Variants in DCLK2 observed in about 807,000 individuals in gnomAD.
DCLK2 encodes the protein serine/threonine-protein kinase DCLK2.
A neutral mutation model predicts 78.4 loss-of-function variants in DCLK2; 31 were observed. That is an observed-to-expected ratio of 0.40 (90% CI 0.30 to 0.53). The LOEUF is 0.53. Ranked by LOEUF, DCLK2 falls within the 20% of genes least tolerant of loss-of-function variation. The pLI, the probability that DCLK2 is intolerant of heterozygous loss-of-function variation, is 0.61. For synonymous variants in DCLK2, 407 were observed against 374.9 expected (o/e 1.09, Z -0.99); for missense variants, 872 against 973.7 (o/e 0.90, Z 1.39).
At chr4:150,196,155 G>T (rs192759800) in intron 3 of DCLK2, among the ~76,000 whole-genome samples, 71 of 152,114 alleles carry the variant, frequency 4.7e-4, no homozygotes, top group Admixed American at 7.2e-4. Context: ...TGTGTTAAAG[G>T]CCCATTCAGA....
chr4:150,206,152 A>G (rs964769729), intron 5 of DCLK2, among the ~76,000 whole-genome samples: 8 of 152,322 alleles, frequency 5.3e-5, no homozygotes, highest in African/African-American at 1.7e-4. Context: ...AAAGAAATAC[A>G]TGTTAATATT....
chr4:150,104,604 T>A (rs1431184968), intron 2 of DCLK2, among the ~76,000 whole-genome samples: 1 of 152,190 alleles, frequency 6.6e-6, no homozygotes, highest in East Asian at 1.9e-4. Flanking sequence ...TATGCTGGTA[T>A]TTAAAGGATG....
At chr4:150,101,028 G>A (rs930996885) in intron 1 of DCLK2, among the ~76,000 whole-genome samples, 2 of 152,162 alleles carry the variant, frequency 1.3e-5, no homozygotes, top group African/African-American at 2.4e-5. Flanking sequence ...CAAGGTGGGT[G>A]ACTCGCTTGA....
At chr4:150,081,380 A>C (rs536391021) in intron 1 of DCLK2, among the ~76,000 whole-genome samples, 1 of 152,240 alleles carries the variant, frequency 6.6e-6, no homozygotes, top group South Asian at 2.1e-4. Flanking sequence ...TGTAGTTTCA[A>C]CTACAAATTG....
At chr4:150,132,359 T>G (rs1362992513) in intron 2 of DCLK2, among the ~76,000 whole-genome samples, 2 of 152,248 alleles carry the variant, frequency 1.3e-5, no homozygotes, top group Non-Finnish European at 2.9e-5. Flanking sequence ...TAATGTGGAC[T>G]GTGAATCAAA....
intron 15 of DCLK2, chr4:150,254,520 CGGG>C: frequency 2.5e-6 from 1 of 398,634 alleles, no homozygotes; most frequent in Non-Finnish European, 4.4e-6. Flanking sequence ...GGAGAAATAA[CGGG>C]GGGATTGTTT....
intron 2 of DCLK2, among the ~76,000 whole-genome samples, chr4:150,126,158 G>A (rs1265492309): frequency 6.6e-6 from 1 of 152,090 alleles, no homozygotes; most frequent in African/African-American, 2.4e-5. Context: ...CCTCTAAGAA[G>A]CCATTCTTAC....
chr4:150,080,937 AGCT>A (rs2150126518), intron 1 of DCLK2, among the ~76,000 whole-genome samples: 1 of 152,346 alleles, frequency 6.6e-6, no homozygotes, highest in African/African-American at 2.4e-5. Context: ...GTAAGGGGAT[AGCT>A]GGAGGAGTAT....
chr4:150,234,828 G>A (rs1349983181), intron 10 of DCLK2, among the ~76,000 whole-genome samples: 2 of 151,700 alleles, frequency 1.3e-5, no homozygotes, highest in African/African-American at 4.8e-5. Flanking sequence ...GTTGTAAACC[G>A]AGCCTCAGGA....
intron 2 of DCLK2, among the ~76,000 whole-genome samples, chr4:150,104,247 G>A (rs996017053): frequency 1.3e-5 from 2 of 151,584 alleles, no homozygotes; most frequent in East Asian, 1.9e-4. Context: ...TTGTGGTCAG[G>A]TGTGGTGGTG....
intron 10 of DCLK2, among the ~76,000 whole-genome samples, chr4:150,236,148 A>G (rs1238048267): frequency 6.6e-6 from 1 of 152,062 alleles, no homozygotes; most frequent in Admixed American, 6.6e-5. Flanking sequence ...CGCATTTTTT[A>G]TTTTTGCATT....
chr4:150,079,205 C>G lies in DCLK2; in HGVS notation c.178C>G (p.Arg60Gly). 1 of 1,611,838 alleles carries G rather than the reference C, an allele frequency of 6.2e-7. No individual in the cohort carries two copies. Among genetic ancestry groups the G allele is most frequent in the Non-Finnish European group, 8.5e-7 (1 of 1,179,086 alleles). ...HSAHCSFYRT[R>G]TLQALSSEKK... The stretch of plus-strand genomic sequence containing the variant: ...TGCCCACTGCAGCTTCTACCGCACG[C>G]GGACCCTGCAGGCCCTCAGCTCGGA... Residue 60 changes from arginine to glycine, a missense_variant, in exon 1 of 16, where the codon CGG becomes GGG. By Grantham distance (125) the Arg-to-Gly change is moderately radical (BLOSUM62 -2). Coordinates refer to ENST00000296550, the MANE Select transcript of DCLK2 (RefSeq NM_001040260.4).
At chr4:150,082,723 A>G (rs2150128841) in intron 1 of DCLK2, among the ~76,000 whole-genome samples, 1 of 152,318 alleles carries the variant, frequency 6.6e-6, no homozygotes, top group East Asian at 1.9e-4. Flanking sequence ...GAGCCTGCTG[A>G]GCTCAGTATC....
At chr4:150,092,969 G>T (rs1372092171) in intron 1 of DCLK2, among the ~76,000 whole-genome samples, 1 of 152,008 alleles carries the variant, frequency 6.6e-6, no homozygotes, top group South Asian at 2.1e-4. Flanking sequence ...GAAATAAAAG[G>T]TACCTAAATC....
At chr4:150,125,061 A>G (rs953012702) in intron 2 of DCLK2, among the ~76,000 whole-genome samples, 2 of 152,172 alleles carry the variant, frequency 1.3e-5, no homozygotes, top group Non-Finnish European at 2.9e-5. Context: ...AAAGACACCA[A>G]TGTTTTTACT....
intron 2 of DCLK2, among the ~76,000 whole-genome samples, chr4:150,176,558 C>T (rs933108770): frequency 7.9e-5 from 12 of 152,134 alleles, no homozygotes; most frequent in Non-Finnish European, 1.0e-4. Flanking sequence ...AACATCTTCC[C>T]GGAGAGGGGC....
At chr4:150,092,447 T>G (rs569409592) in intron 1 of DCLK2, among the ~76,000 whole-genome samples, 8 of 152,192 alleles carry the variant, frequency 5.3e-5, no homozygotes, top group Non-Finnish European at 1.0e-4. Flanking sequence ...AGTTCCAGTA[T>G]CTCTACATCT....
At chr4:150,223,521 A>C (rs111719695) in intron 7 of DCLK2, among the ~76,000 whole-genome samples, 2,888 of 152,348 alleles carry the variant, frequency 0.019, 95 homozygotes, top group African/African-American at 0.066. Context: ...AGGCGGGAGA[A>C]TCACCTGAGG....
At chr4:150,104,462 C>T (rs1363040722) in intron 2 of DCLK2, among the ~76,000 whole-genome samples, 1 of 125,274 alleles carries the variant, frequency 8.0e-6, no homozygotes, top group East Asian at 2.6e-4. Context: ...AAATAGTAAC[C>T]ATTGAAATTT....
Sources: allele counts gnomAD v4.1 joint callset (sites outside exome capture counted in the v4.1 genomes callset), GRCh38; gene constraint gnomAD v4.1.1; transcripts MANE v1.5; gene names NCBI Gene and HGNC (gene_info 2026-07-23, HGNC 2026-07-21).